Variants in SYT9 observed in about 807,000 individuals in gnomAD.
The protein encoded by SYT9 is synaptotagmin 9, also known as synaptotagmin-9.
A neutral mutation model predicts 48.4 loss-of-function variants in SYT9; 22 were observed. That is an observed-to-expected ratio of 0.45 (90% CI 0.32 to 0.65). The LOEUF is 0.65. Ranked by LOEUF, SYT9 falls within the 30% of genes least tolerant of loss-of-function variation. The pLI, the probability that SYT9 is intolerant of heterozygous loss-of-function variation, is 0.03. For missense variants in SYT9, 577 were observed against 622.0 expected (o/e 0.93, Z 0.77); for synonymous variants, 265 against 245.0 (o/e 1.08, Z -0.76).
chr11:7,396,346 G>A (rs1179500315), intron 3 of SYT9, among the ~76,000 whole-genome samples: 1 of 152,082 alleles, frequency 6.6e-6, no homozygotes, highest in African/African-American at 2.4e-5. Flanking sequence ...TGTGTATGAT[G>A]TGAGTATCAT....
intron 3 of SYT9, among the ~76,000 whole-genome samples, chr11:7,360,993 G>A (rs1850124682): frequency 6.6e-6 from 1 of 151,970 alleles, no homozygotes. Context: ...CATAAAGTTG[G>A]TCATAGTATT....
At chr11:7,424,041 G>A (rs2134109165) in intron 6 of SYT9, among the ~76,000 whole-genome samples, 1 of 152,270 alleles carries the variant, frequency 6.6e-6, no homozygotes, top group Middle Eastern at 3.4e-3. Flanking sequence ...GATTTAGCAT[G>A]GAGGGAGGCT....
intron 3 of SYT9, among the ~76,000 whole-genome samples, chr11:7,409,546 C>G (rs534936900): frequency 6.6e-6 from 1 of 152,062 alleles, no homozygotes; most frequent in Non-Finnish European, 1.5e-5. Flanking sequence ...TTCAATCTTG[C>G]TACTCGTTAT....
At chr11:7,336,834 C>T (rs1849638857) in intron 3 of SYT9, among the ~76,000 whole-genome samples, 1 of 152,090 alleles carries the variant, frequency 6.6e-6, no homozygotes, top group Non-Finnish European at 1.5e-5. Flanking sequence ...GCTATTCGAG[C>T]TCTTTTTGGT....
At chr11:7,372,331 T>C (rs1462305356) in intron 3 of SYT9, among the ~76,000 whole-genome samples, 1 of 152,166 alleles carries the variant, frequency 6.6e-6, no homozygotes, top group Non-Finnish European at 1.5e-5. Context: ...GTTTGTTTTT[T>C]GAGATTAGAT....
intron 1 of SYT9, among the ~76,000 whole-genome samples, chr11:7,281,874 T>G (rs1454665666): frequency 6.6e-6 from 1 of 152,242 alleles, no homozygotes; most frequent in African/African-American, 2.4e-5. Context: ...AATAAGTTCA[T>G]TCTGCTCCCC....
chr11:7,250,451 AC>A (rs59724555), upstream of SYT9, among the ~76,000 whole-genome samples: 1,737 of 91,836 alleles, frequency 0.019, 30 homozygotes, highest in African/African-American at 0.057. Context: ...CCCCCCCGCC[AC>A]CCCCCCCCAG....
At chr11:7,251,130 A>ACACACACACACACACACC (rs909728944), upstream of SYT9, among the ~76,000 whole-genome samples, 4 of 127,230 alleles carry the variant, frequency 3.1e-5, no homozygotes, top group African/African-American at 1.0e-4. Flanking sequence ...ACACACACAC[A>ACACACACACACACACACC]CACCCAGAGT....
chr11:7,394,849 C>G (rs943384363), intron 3 of SYT9, among the ~76,000 whole-genome samples: 1 of 152,018 alleles, frequency 6.6e-6, no homozygotes, highest in Non-Finnish European at 1.5e-5. Context: ...ACTGCTTTTG[C>G]TCTCAGAGAT....
chr11:7,466,982 C>A lies in SYT9; in HGVS notation c.*182C>A. The A allele has an allele frequency of 1.4e-6, 1 of 696,554 alleles. No homozygotes were observed. The allele number at this position is 696,554 out of a possible 1,614,324, so 43.1% of individuals were successfully genotyped here. Reference sequence around the variant, plus strand: ...GTTTGGTGAACCTGAATGGTCCAGCCACCTTCTGCAGGTGGCCCAAGGTGA... The same window carrying A: ...GTTTGGTGAACCTGAATGGTCCAGCAACCTTCTGCAGGTGGCCCAAGGTGA... On this transcript the variant is annotated 3_prime_UTR_variant, in exon 7 of 7. Coordinates refer to ENST00000318881, the MANE Select transcript of SYT9 (RefSeq NM_175733.4).
At chr11:7,389,589 A>G (rs190510037) in intron 3 of SYT9, among the ~76,000 whole-genome samples, 3 of 152,270 alleles carry the variant, frequency 2.0e-5, no homozygotes, top group African/African-American at 7.2e-5. Flanking sequence ...GGACATTATG[A>G]ATGTCCTACA....
intron 3 of SYT9, among the ~76,000 whole-genome samples, chr11:7,354,113 T>G (rs899651774): frequency 2.0e-5 from 3 of 152,200 alleles, no homozygotes; most frequent in African/African-American, 7.2e-5. Flanking sequence ...GTGTCCATCT[T>G]TATGTTCACT....
intron 4 of SYT9, among the ~76,000 whole-genome samples, chr11:7,417,305 G>A (rs1432947352): frequency 6.6e-6 from 1 of 152,170 alleles, no homozygotes; most frequent in Non-Finnish European, 1.5e-5. Context: ...AACAGAAGAA[G>A]AGTGAGATAG....
At position 7,243,046 on chromosome 11, in the gene SYT9, C is replaced by CAATAAATAAATAAATA. The variant is rs576180827; in HGVS notation, c.49+4139_49+4154dup. ...GGGTGATGAGAGTGAAATTCTGTCTCAATAAATAAATAAATAAATAAATAT... is the reference window on the plus strand; with the variant it reads ...GGGTGATGAGAGTGAAATTCTGTCTCAATAAATAAATAAATAAATAAATAAATAAATAAATAAATAT... On this transcript the variant is annotated intron_variant and NMD_transcript_variant, in intron 1 of 8. Transcript: ENST00000524820. Among the ~76,000 whole-genome samples, 447 of 117,212 alleles carry CAATAAATAAATAAATA rather than the reference C, an allele frequency of 3.8e-3. 2 individuals carry two copies. The highest frequency in any genetic ancestry group is 0.011 in the African/African-American group (385 of 35,186). 76.9% of individuals were successfully genotyped at this position (117,212 alleles called of 152,430 possible).
At chr11:7,323,887 AT>A (rs74309140) in intron 3 of SYT9, among the ~76,000 whole-genome samples, 65,408 of 151,072 alleles carry the variant, frequency 0.43, 14,927 homozygotes, top group East Asian at 0.91. Flanking sequence ...TCAAACTGTG[AT>A]TTTTTTTTCT....
At chr11:7,429,993 C>T (rs761981642) in intron 6 of SYT9, among the ~76,000 whole-genome samples, 5 of 152,124 alleles carry the variant, frequency 3.3e-5, no homozygotes, top group Non-Finnish European at 5.9e-5. Context: ...CTGATAAAGG[C>T]ACAGTTCCTC....
chr11:7,279,809 TGACC>T (rs1304660243), intron 1 of SYT9, among the ~76,000 whole-genome samples: 3 of 152,214 alleles, frequency 2.0e-5, no homozygotes, highest in Non-Finnish European at 4.4e-5. Context: ...TATATGATTG[TGACC>T]CAGAAATTTC....
chr11:7,290,007 C>G (rs1048596423), intron 1 of SYT9, among the ~76,000 whole-genome samples: 1 of 152,210 alleles, frequency 6.6e-6, no homozygotes, highest in South Asian at 2.1e-4. Flanking sequence ...TAGTCGAAAC[C>G]TGACCATGCT....
At chr11:7,419,202 C>G (rs930644351) in intron 5 of SYT9, among the ~76,000 whole-genome samples, 13 of 152,192 alleles carry the variant, frequency 8.5e-5, no homozygotes, top group African/African-American at 2.4e-4. Flanking sequence ...GAAGCCTAGG[C>G]CAGCAATTTT....
Sources: allele counts gnomAD v4.1 joint callset (sites outside exome capture counted in the v4.1 genomes callset), GRCh38; gene constraint gnomAD v4.1.1; transcripts MANE v1.5; gene names NCBI Gene and HGNC (gene_info 2026-07-23, HGNC 2026-07-21).